Variants in UNC5C observed in about 807,000 individuals in gnomAD.
UNC5C encodes netrin receptor UNC5C.
A neutral mutation model predicts 99.8 loss-of-function variants in UNC5C; 47 were observed. The ratio of observed to expected loss-of-function variants is 0.47; its 90% confidence interval spans 0.37 to 0.60. The LOEUF (loss-of-function observed/expected upper bound fraction) is 0.60, where lower values mean the gene tolerates loss of function less well. Among genes scored for constraint, UNC5C ranks in the 20% least tolerant of loss-of-function variants. The probability of loss-of-function intolerance (pLI) is 0.00; values close to 1 mark genes in which losing one functional copy is unlikely to be tolerated. For missense variants in UNC5C, 1,062 were observed against 1,165.9 expected (o/e 0.91, Z 1.30); for synonymous variants, 487 against 452.2 (o/e 1.08, Z -0.98).
intron 1 of UNC5C, among the ~76,000 whole-genome samples, chr4:95,419,388 G>A (rs1746256608): frequency 6.6e-6 from 1 of 152,038 alleles, no homozygotes; most frequent in South Asian, 2.1e-4. Context: ...TTGCCCATGG[G>A]TTCTTTATGA....
intron 2 of UNC5C, among the ~76,000 whole-genome samples, chr4:95,335,196 A>T (rs544503702): frequency 6.6e-6 from 1 of 152,098 alleles, no homozygotes; most frequent in East Asian, 1.9e-4. Context: ...AATTTCATGT[A>T]GTCCAACAGG....
Position 95,164,636 on chromosome 4 carries a change from G to T in UNC5C, c.*4598C>A, listed in dbSNP as rs1735793372. On this transcript the variant is annotated 3_prime_UTR_variant, in exon 16 of 16. Transcript: ENST00000453304. ...CCTTATTAGATCTATAAAATCTAAT[G>T]CTTATCAACCATTATCTTGAGCAAT... 6.6e-6 allele frequency: 1 copy of T among 152,192 alleles called. No individual in the cohort carries two copies. Among genetic ancestry groups the T allele is most frequent in the South Asian group, 2.1e-4 (1 of 4,834 alleles). The allele number at this position is 152,192 out of a possible 1,614,324, so 9.4% of individuals were successfully genotyped here. A position where few individuals can be genotyped will look rare whatever the true frequency, so the allele number is the denominator to read the frequency against.
intron 4 of UNC5C, among the ~76,000 whole-genome samples, chr4:95,263,578 C>T (rs1463810501): frequency 1.3e-5 from 2 of 152,172 alleles, no homozygotes; most frequent in East Asian, 3.8e-4. Context: ...GCTGCACTTT[C>T]ACAGAAGCCC....
chr4:95,486,718 C>T (rs1320271057), intron 1 of UNC5C, among the ~76,000 whole-genome samples: 1 of 151,264 alleles, frequency 6.6e-6, no homozygotes, highest in Non-Finnish European at 1.5e-5. Flanking sequence ...ATCCTGAATC[C>T]CATCATTTGA....
At chr4:95,359,829 T>A (rs1042814802) in intron 1 of UNC5C, among the ~76,000 whole-genome samples, 1 of 152,156 alleles carries the variant, frequency 6.6e-6, no homozygotes, top group African/African-American at 2.4e-5. Context: ...TTTTAAAGAA[T>A]AACAAATACT....
chr4:95,172,047 G>A (rs1004579124), intron 14 of UNC5C, among the ~76,000 whole-genome samples: 1 of 148,646 alleles, frequency 6.7e-6, no homozygotes, highest in Non-Finnish European at 1.5e-5. Context: ...CTTTTGAGAA[G>A]TGTCTGTTCA....
chr4:95,353,216 T>G (rs2149430428), intron 1 of UNC5C, among the ~76,000 whole-genome samples: 1 of 152,242 alleles, frequency 6.6e-6, no homozygotes, highest in Middle Eastern at 3.4e-3. Context: ...TCTCAATTGT[T>G]TTTACTGCAG....
At chr4:95,292,989 T>G (rs1015840979) in intron 3 of UNC5C, among the ~76,000 whole-genome samples, 1 of 152,140 alleles carries the variant, frequency 6.6e-6, no homozygotes, top group Non-Finnish European at 1.5e-5. Context: ...AAAAATGTTA[T>G]GGAGAACAAT....
At chr4:95,294,040 C>A in intron 3 of UNC5C, among the ~76,000 whole-genome samples, 1 of 152,078 alleles carries the variant, frequency 6.6e-6, no homozygotes, top group Admixed American at 6.6e-5. Flanking sequence ...CTCTGAAAAA[C>A]CAGTATGACA....
intron 1 of UNC5C, among the ~76,000 whole-genome samples, chr4:95,524,376 CA>C (rs1190448246): frequency 2.0e-5 from 3 of 152,144 alleles, no homozygotes; most frequent in Admixed American, 1.3e-4. Context: ...TTTTATGCAA[CA>C]GGGGCGATTA....
intron 1 of UNC5C, among the ~76,000 whole-genome samples, chr4:95,502,512 G>A (rs939069957): frequency 2.0e-5 from 3 of 152,038 alleles, no homozygotes; most frequent in East Asian, 1.9e-4. Context: ...GCTTCAAGCC[G>A]GCCTCCAGCC....
At chr4:95,255,530 A>T (rs1486034359) in intron 4 of UNC5C, among the ~76,000 whole-genome samples, 1 of 152,072 alleles carries the variant, frequency 6.6e-6, no homozygotes, top group African/African-American at 2.4e-5. Flanking sequence ...ATCACAAGAC[A>T]TCTTCCAGGG....
intron 1 of UNC5C, among the ~76,000 whole-genome samples, chr4:95,531,889 C>A (rs1019285557): frequency 6.6e-6 from 1 of 152,148 alleles, no homozygotes; most frequent in Non-Finnish European, 1.5e-5. Context: ...CAATATAGAA[C>A]AAAATTTCAT....
chr4:95,240,613 AATAC>A (rs1739294615), intron 7 of UNC5C, among the ~76,000 whole-genome samples: 1 of 151,424 alleles, frequency 6.6e-6, no homozygotes, highest in African/African-American at 2.4e-5. Flanking sequence ...ACGTGATAAA[AATAC>A]AAACAAAAAC....
At chr4:95,315,887 A>G (rs1334782153) in intron 2 of UNC5C, among the ~76,000 whole-genome samples, 2 of 152,174 alleles carry the variant, frequency 1.3e-5, no homozygotes, top group Non-Finnish European at 2.9e-5. Flanking sequence ...ATAGGCTCCT[A>G]ATGTCTCTGT....
At chr4:95,306,438 G>A (rs1416288647) in intron 2 of UNC5C, among the ~76,000 whole-genome samples, 3 of 151,962 alleles carry the variant, frequency 2.0e-5, no homozygotes, top group East Asian at 1.9e-4. Context: ...TAGTGACCTC[G>A]TGATCCACCC....
At chr4:95,516,957 C>T (rs891439284) in intron 1 of UNC5C, among the ~76,000 whole-genome samples, 16 of 152,022 alleles carry the variant, frequency 1.1e-4, no homozygotes, top group African/African-American at 3.9e-4. Context: ...TAGAGGCTTC[C>T]GGGGAGCATG....
chr4:95,351,391 G>C (rs2128916), intron 1 of UNC5C, among the ~76,000 whole-genome samples: 29,607 of 151,194 alleles, frequency 0.2, 3,183 homozygotes, highest in Admixed American at 0.24. Flanking sequence ...TAAGACAGAA[G>C]TTTATAGGAA....
At chr4:95,199,684 G>A (rs1371647132) in intron 12 of UNC5C, among the ~76,000 whole-genome samples, 1 of 152,186 alleles carries the variant, frequency 6.6e-6, no homozygotes, top group Non-Finnish European at 1.5e-5. Flanking sequence ...CAAGGTGGCT[G>A]AGGAGAGAAC....
Sources: gnomAD v4.1 joint callset for allele counts (sites outside exome capture counted in the v4.1 genomes callset) on GRCh38, gnomAD v4.1.1 for gene constraint, MANE v1.5 for transcripts, NCBI Gene and HGNC (gene_info 2026-07-23, HGNC 2026-07-21) for gene names.